The following BRD10 variants were observed in gnomAD, a reference collection of about 807,000 sequenced individuals.
The protein encoded by BRD10 is bromodomain containing 10.
At chr9:5,939,016 A>G in the BRD10 span, among the ~76,000 whole-genome samples, 3 of 152,300 alleles carry the variant, frequency 2.0e-5, no homozygotes, top group Non-Finnish European at 4.4e-5. Context: ...AATATTAAAA[A>G]TATTGACTTG....
At chr9:5,911,890 A>G in the BRD10 span, among the ~76,000 whole-genome samples, 1 of 152,076 alleles carries the variant, frequency 6.6e-6, no homozygotes, top group Non-Finnish European at 1.5e-5. Flanking sequence ...GTGATTCTAT[A>G]TAAATTTTAG....
chr9:5,925,031 TG>T, the BRD10 span, among the ~76,000 whole-genome samples: 1 of 152,148 alleles, frequency 6.6e-6, no homozygotes, highest in Non-Finnish European at 1.5e-5. Flanking sequence ...ACAGAACCTA[TG>T]GTATAGGCAT....
At chr9:5,967,660 T>C in the BRD10 span, among the ~76,000 whole-genome samples, 1 of 146,796 alleles carries the variant, frequency 6.8e-6, no homozygotes, top group African/African-American at 2.5e-5. Context: ...CTGAAATCAG[T>C]GCTTTTCCTA....
At chr9:5,987,439 T>G in the BRD10 span, among the ~76,000 whole-genome samples, 3 of 152,132 alleles carry the variant, frequency 2.0e-5, no homozygotes, top group Admixed American at 6.5e-5. Flanking sequence ...TACTGTCAAG[T>G]TAATCTTTAC....
At chr9:5,879,752 G>T in the BRD10 span, among the ~76,000 whole-genome samples, 1 of 152,138 alleles carries the variant, frequency 6.6e-6, no homozygotes, top group Non-Finnish European at 1.5e-5. Flanking sequence ...GACTCACATG[G>T]TCAGCCTCTC....
At chr9:5,984,013 C>G in the BRD10 span, among the ~76,000 whole-genome samples, 19 of 139,910 alleles carry the variant, frequency 1.4e-4, no homozygotes. Flanking sequence ...ACACCCCTCT[C>G]CATCCTTCAA....
the BRD10 span, chr9:5,969,541 G>A: frequency 1.3e-6 from 1 of 759,762 alleles, no homozygotes; most frequent in Non-Finnish European, 2.0e-6. Context: ...AACTGTCCTA[G>A]TTTTATTTAT....
At chr9:5,896,155 G>A in the BRD10 span, among the ~76,000 whole-genome samples, 4 of 152,216 alleles carry the variant, frequency 2.6e-5, no homozygotes, top group African/African-American at 9.6e-5. Context: ...TCTGCCACTT[G>A]CTGGTTGTGC....
chr9:5,913,921 A>G, the BRD10 span: 1 of 411,076 alleles, frequency 2.4e-6, no homozygotes, highest in Non-Finnish European at 4.8e-6. Context: ...GTGTAACATC[A>G]GAAGCATGAC....
At chr9:5,964,302 A>G in the BRD10 span, among the ~76,000 whole-genome samples, 5 of 150,870 alleles carry the variant, frequency 3.3e-5, no homozygotes, top group Admixed American at 6.6e-5. Context: ...AACACATGAA[A>G]AAATGCTCAC....
At chr9:5,895,332 T>A in the BRD10 span, among the ~76,000 whole-genome samples, 2 of 151,964 alleles carry the variant, frequency 1.3e-5, no homozygotes, top group African/African-American at 4.8e-5. Context: ...CCTGCCCCCA[T>A]TGCTGTTTGT....
At chr9:5,940,400 A>C in the BRD10 span, among the ~76,000 whole-genome samples, 1 of 151,734 alleles carries the variant, frequency 6.6e-6, no homozygotes, top group African/African-American at 2.4e-5. Flanking sequence ...TCACCATGTT[A>C]GCCAGGCTGG....
At chr9:5,903,457 C>T in the BRD10 span, among the ~76,000 whole-genome samples, 1 of 152,060 alleles carries the variant, frequency 6.6e-6, no homozygotes, top group Non-Finnish European at 1.5e-5. Context: ...TGAGAGATAA[C>T]GAATTGTCAT....
chr9:5,992,288 G>C, the BRD10 span, among the ~76,000 whole-genome samples: 5 of 152,120 alleles, frequency 3.3e-5, no homozygotes, highest in Admixed American at 6.5e-5. Flanking sequence ...CGCATAGAAA[G>C]TATTTGGAAG....
chr9:5,942,979 G>C, the BRD10 span, among the ~76,000 whole-genome samples: 19 of 152,172 alleles, frequency 1.2e-4, no homozygotes, highest in Non-Finnish European at 1.2e-4. Flanking sequence ...CTGGGCACAA[G>C]TGATCCTCCT....
chr9:5,928,699 G>A, the BRD10 span, among the ~76,000 whole-genome samples: 1 of 152,050 alleles, frequency 6.6e-6, no homozygotes, highest in East Asian at 1.9e-4. Context: ...AACTCATCAG[G>A]GAAGCTTTCC....
the BRD10 span, among the ~76,000 whole-genome samples, chr9:5,944,628 T>G: frequency 6.6e-6 from 1 of 152,014 alleles, no homozygotes; most frequent in Non-Finnish European, 1.5e-5. Flanking sequence ...CTGGGAAATA[T>G]CTAAAACTAT....
chr9:5,991,180 G>A, the BRD10 span, among the ~76,000 whole-genome samples: 99 of 150,334 alleles, frequency 6.6e-4, no homozygotes, highest in East Asian at 0.017. Context: ...GTGTGTGTGT[G>A]TATATATATA....
the BRD10 span, among the ~76,000 whole-genome samples, chr9:5,886,079 C>A: frequency 6.6e-6 from 1 of 152,202 alleles, no homozygotes; most frequent in Admixed American, 6.5e-5. Flanking sequence ...GAGCAGCCGG[C>A]TATCAACCCT....
Sources: gnomAD v4.1 joint callset for allele counts (sites outside exome capture counted in the v4.1 genomes callset) on GRCh38, gnomAD v4.1.1 for gene constraint, MANE v1.5 for transcripts, NCBI Gene and HGNC (gene_info 2026-07-23, HGNC 2026-07-21) for gene names.